FHIT: variants seen among roughly 807,000 people sequenced by gnomAD.
FHIT encodes the protein fragile histidine triad diadenosine triphosphatase.
A neutral mutation model predicts 17.9 loss-of-function variants in FHIT; 19 were observed. The observed-to-expected ratio is 1.06, with a 90% CI of 0.74 to 1.56. The LOEUF is 1.56. Among genes scored for constraint, FHIT ranks in the 40% most tolerant of loss-of-function variants. FHIT has a pLI of 0.00. For missense variants in FHIT, 248 were observed against 189.2 expected, an observed-to-expected ratio of 1.31 and a Z score of -1.82; for synonymous variants, 81 against 69.7, an observed-to-expected ratio of 1.16 and a Z score of -0.81.
At chr3:59,892,674 T>C (rs1021203808) in intron 8 of FHIT, among the ~76,000 whole-genome samples, 3 of 152,230 alleles carry the variant, frequency 2.0e-5, no homozygotes, top group Non-Finnish European at 2.9e-5. Context: ...GTGGGGGATA[T>C]GTTTAATCAC....
chr3:60,967,102 A>G (rs959995609), intron 3 of FHIT, among the ~76,000 whole-genome samples: 2 of 152,210 alleles, frequency 1.3e-5, no homozygotes, highest in African/African-American at 2.4e-5. Context: ...ATAAAAATAC[A>G]TTACCATTAC....
intron 5 of FHIT, among the ~76,000 whole-genome samples, chr3:60,442,586 T>A (rs1016329785): frequency 4.6e-5 from 7 of 152,132 alleles, no homozygotes; most frequent in African/African-American, 1.7e-4. Context: ...TAGTTGTAGA[T>A]GTGTGGTATT....
chr3:59,832,779 C>T (rs981305333), intron 8 of FHIT, among the ~76,000 whole-genome samples: 8 of 152,142 alleles, frequency 5.3e-5, no homozygotes, highest in Admixed American at 1.3e-4. Flanking sequence ...ACATCATGTG[C>T]GCAAGTGAAT....
At chr3:60,193,596 T>C (rs1004631392) in intron 5 of FHIT, among the ~76,000 whole-genome samples, 1 of 152,176 alleles carries the variant, frequency 6.6e-6, no homozygotes, top group African/African-American at 2.4e-5. Flanking sequence ...CCTATAACCA[T>C]GGCCTTGACA....
chr3:60,465,340 T>C (rs1314575697), intron 5 of FHIT, among the ~76,000 whole-genome samples: 3 of 151,950 alleles, frequency 2.0e-5, no homozygotes, highest in African/African-American at 7.2e-5. Flanking sequence ...CAAATTGCTT[T>C]CAAATTTGCT....
At chr3:59,952,381 AT>A (rs1449353830) in intron 7 of FHIT, among the ~76,000 whole-genome samples, 1 of 152,142 alleles carries the variant, frequency 6.6e-6, no homozygotes, top group African/African-American at 2.4e-5. Flanking sequence ...CCCTCGGGAC[AT>A]GCAGACATCT....
chr3:60,744,700 G>C (rs1179304783), intron 4 of FHIT, among the ~76,000 whole-genome samples: 1 of 152,128 alleles, frequency 6.6e-6, no homozygotes, highest in Non-Finnish European at 1.5e-5. Flanking sequence ...GCTGCTACAG[G>C]CTGCCTTCTA....
intron 5 of FHIT, among the ~76,000 whole-genome samples, chr3:60,255,001 G>T (rs1705916857): frequency 6.6e-6 from 1 of 152,150 alleles, no homozygotes; most frequent in African/African-American, 2.4e-5. Context: ...TGAGAAGAAT[G>T]AAACAGATTT....
At chr3:60,895,925 G>T (rs559026475) in intron 3 of FHIT, among the ~76,000 whole-genome samples, 1 of 151,634 alleles carries the variant, frequency 6.6e-6, no homozygotes, top group Non-Finnish European at 1.5e-5. Context: ...CTAAGCAGGG[G>T]TCCCCATCCC....
At chr3:60,166,688 G>C (rs1489286185) in intron 5 of FHIT, among the ~76,000 whole-genome samples, 3 of 152,182 alleles carry the variant, frequency 2.0e-5, no homozygotes, top group Admixed American at 2.0e-4. Flanking sequence ...AAATGTCACA[G>C]ACAGATGGAC....
intron 5 of FHIT, among the ~76,000 whole-genome samples, chr3:60,230,756 G>A (rs1704456037): frequency 6.6e-6 from 1 of 152,170 alleles, no homozygotes. Flanking sequence ...GTCTGCTCAG[G>A]ATGGATTGCA....
chr3:60,542,490 T>A (rs183588415), intron 4 of FHIT, among the ~76,000 whole-genome samples: 67 of 152,322 alleles, frequency 4.4e-4, no homozygotes, highest in Admixed American at 1.0e-3. Context: ...AATTATTGAA[T>A]GGTAAAATGG....
intron 4 of FHIT, among the ~76,000 whole-genome samples, chr3:60,537,969 A>AC (rs11281807): frequency 1.3e-5 from 2 of 151,734 alleles, no homozygotes; most frequent in African/African-American, 2.4e-5. Context: ...TATTTGTGAT[A>AC]TGCATTTGGT....
intron 5 of FHIT, among the ~76,000 whole-genome samples, chr3:60,321,196 C>A (rs1001323229): frequency 6.6e-6 from 1 of 152,182 alleles, no homozygotes; most frequent in Non-Finnish European, 1.5e-5. Context: ...ATTCTGACAG[C>A]AGGCCAGGTA....
At position 60,736,749 on chromosome 3, in the gene FHIT, A is replaced by G. The variant is rs149084365; in HGVS notation, c.-18+85170T>C. On this transcript the variant is annotated intron_variant, in intron 4 of 9. Coordinates refer to ENST00000492590, the MANE Select transcript of FHIT (RefSeq NM_002012.4). ...TACTCAACTTTGTATTTATACTAAA[A>G]CCACCAAGTTTCACATTATAAACGG... 6.5e-4 allele frequency among the ~76,000 whole-genome samples: 99 copies of G among 152,306 alleles called. 1 individual carries two copies. The highest frequency in any genetic ancestry group is 2.2e-3 in the African/African-American group (91 of 41,554).
intron 3 of FHIT, among the ~76,000 whole-genome samples, chr3:60,899,410 A>G (rs529934391): frequency 2.6e-5 from 4 of 152,294 alleles, no homozygotes; most frequent in African/African-American, 9.6e-5. Context: ...GTGAACCCCC[A>G]AAGGGACCCC....
rs567752910 is a variant in FHIT at position 59,900,992 on chromosome 3, T to C, written c.348+21354A>G. Among the ~76,000 whole-genome samples, 9 of 152,332 alleles carry C rather than the reference T, an allele frequency of 5.9e-5. 1 individual carries two copies. The South Asian group carries it at 1.2e-3, about 21-fold the overall frequency. On this transcript the variant is annotated intron_variant, in intron 8 of 9. Transcript: ENST00000492590. ...GTTGTTTATATTTCTTCCAAGTGTA[T>C]GACCAACAGGATGCAGAGAAGCAAA...
chr3:61,235,748 G>T (rs2040215781), intron 1 of FHIT, among the ~76,000 whole-genome samples: 1 of 152,114 alleles, frequency 6.6e-6, no homozygotes, highest in Non-Finnish European at 1.5e-5. Context: ...ACTTTTAAAT[G>T]CAGACTCAGT....
intron 5 of FHIT, among the ~76,000 whole-genome samples, chr3:60,176,974 A>T (rs980877963): frequency 6.6e-6 from 1 of 152,156 alleles, no homozygotes; most frequent in Non-Finnish European, 1.5e-5. Flanking sequence ...AAATCCAAAG[A>T]GGAAGACCAG....
Sources: allele counts gnomAD v4.1 joint callset (sites outside exome capture counted in the v4.1 genomes callset), GRCh38; gene constraint gnomAD v4.1.1; transcripts MANE v1.5; gene names NCBI Gene and HGNC (gene_info 2026-07-23, HGNC 2026-07-21).